The following CAMK2G variants were observed in gnomAD, a reference collection of about 807,000 sequenced individuals.
The protein encoded by CAMK2G is calcium/calmodulin dependent protein kinase II gamma.
CAMK2G carries 23 observed loss-of-function variants against 88.7 expected under a neutral mutation model. The observed-to-expected ratio is 0.26, with a 90% CI of 0.19 to 0.37. The LOEUF is 0.37. Ranked by LOEUF, CAMK2G falls within the 10% of genes least tolerant of loss-of-function variation. The probability of loss-of-function intolerance (pLI) is 1.00; values close to 1 mark genes in which losing one functional copy is unlikely to be tolerated. For synonymous variants in CAMK2G, 263 were observed against 294.8 expected (o/e 0.89, Z 1.11); for missense variants, 476 against 780.8 (o/e 0.61, Z 4.65).
chr10:73,847,357 A>G lies in CAMK2G; in HGVS notation c.697-10T>C. On this transcript the variant is annotated splice_polypyrimidine_tract_variant and intron_variant, in intron 9 of 22. Transcript: ENST00000423381. ...ATTCTGGTGATGGGAACTAAGGAGC[A>G]GGAATAGGGAGAAGAATGTGGTATT... The G allele has an allele frequency of 1.9e-6, 3 of 1,614,072 alleles. No individual in the cohort carries two copies. Among genetic ancestry groups the G allele is most frequent in the East Asian group, 4.5e-5 (2 of 44,884 alleles).
At chr10:73,823,971 C>A in intron 17 of CAMK2G, 69 bp downstream of exon 17, 1 of 1,248,294 alleles carries the variant, frequency 8.0e-7, no homozygotes, top group East Asian at 2.3e-5. Context: ...AGCCTGTAGA[C>A]CCCTGGGACC....
At chr10:73,826,416 G>C (rs2664284) in intron 15 of CAMK2G, among the ~76,000 whole-genome samples, 51,907 of 152,006 alleles carry the variant, frequency 0.34, 9,990 homozygotes, top group East Asian at 0.63. Context: ...CTGGGCAACA[G>C]AGCAAGACTC....
chr10:73,848,369 G>A lies in CAMK2G; in HGVS notation c.601+157C>T, dbSNP rs564396310. ...CATCCCAGAAGTACGCAGGGAGGAG[G>A]GTGTGATGGGAACAGCCATCCCAGG... On this transcript the variant is annotated intron_variant, in intron 8 of 22. Transcript: ENST00000423381. The surrounding 1 kb of genome is among the most constrained non-coding windows in gnomAD (Gnocchi z 4.5). 2.6e-5 allele frequency among the ~76,000 whole-genome samples: 4 copies of A among 152,290 alleles called. No individual in the cohort carries two copies. Among genetic ancestry groups the A allele is most frequent in the African/African-American group, 4.8e-5 (2 of 41,550 alleles).
At position 73,839,176 on chromosome 10, in the gene CAMK2G, G is replaced by T. The variant is rs1056383833; in HGVS notation, c.1009+363C>A. On this transcript the variant is annotated intron_variant, in intron 13 of 22. Transcript: ENST00000423381. This position sits in a 1 kb window ranked among gnomAD's most constrained non-coding sequence, Gnocchi z 4.2. The stretch of plus-strand genomic sequence containing the variant: ...CCTCTGTGGGGTCTTAAACAGTGCT[G>T]CGGAAATCTAGTCCTAGCACCGGGC... Among the ~76,000 whole-genome samples, 6 of 152,208 alleles carry T rather than the reference G, an allele frequency of 3.9e-5. No individual in the cohort carries two copies. The highest frequency in any genetic ancestry group is 1.9e-4 in the East Asian group (1 of 5,196).
At chr10:73,836,407 C>A (rs1388766023) in intron 14 of CAMK2G, among the ~76,000 whole-genome samples, 1 of 152,206 alleles carries the variant, frequency 6.6e-6, no homozygotes, top group Non-Finnish European at 1.5e-5. Flanking sequence ...ATTAAACACT[C>A]TCTCCAACTA....
rs779146288 is a variant in CAMK2G at position 73,848,024 on chromosome 10, G to A, written c.660C>T (p.His220=). Residue 220 remains histidine (H), a synonymous_variant, in exon 9 of 23, where the codon CAC becomes CAT. Transcript: ENST00000423381. This position sits in a 1 kb window ranked among gnomAD's most constrained non-coding sequence, Gnocchi z 4.5. The part of the protein sequence containing the change: ...GYPPFWDEDQ[H]KLYQQIKAGA... ...CAGCCTTGATCTGCTGATACAGCTT[G>A]TGCTGATCCTCATCCCAGAAGGGAG... 2.5e-6 allele frequency: 4 copies of A among 1,612,830 alleles called. No homozygotes were observed. The Admixed American group carries it at 6.7e-5, about 27-fold the overall frequency.
At chr10:73,834,544 TTC>T (rs1034772495) in intron 14 of CAMK2G, among the ~76,000 whole-genome samples, 2 of 152,090 alleles carry the variant, frequency 1.3e-5, no homozygotes, top group African/African-American at 4.8e-5. Context: ...TGCTGCACAT[TTC>T]TCTTTTCCCC....
In CAMK2G at chr10:73,818,594, T is replaced by C. The variant is rs1266787679; in HGVS notation, c.1363+938A>G. 3 of 429,548 alleles carry C rather than the reference T, an allele frequency of 7.0e-6. No homozygotes were observed. The Admixed American group carries it at 7.3e-5, about 10-fold the overall frequency. The allele number at this position is 429,548 out of a possible 1,614,324, so 26.6% of individuals were successfully genotyped here. On this transcript the variant is annotated intron_variant, in intron 19 of 22. Transcript: ENST00000423381. ...GGGCCAGCACAGCCAAGCAGCACAG[T>C]TGGGACAGGGCAGCGCAGCCAAAGG...
chr10:73,856,068 C>A (rs1455049854), intron 3 of CAMK2G, among the ~76,000 whole-genome samples: 1 of 152,124 alleles, frequency 6.6e-6, no homozygotes, highest in Admixed American at 6.5e-5. Context: ...CCACCGCACC[C>A]CATCAGATTC....
chr10:73,817,634 TC>T (rs2086132737), intron 19 of CAMK2G, 80 bp from the exon 20 acceptor site: 3 of 890,942 alleles, frequency 3.4e-6, no homozygotes, highest in Non-Finnish European at 3.8e-6. Context: ...TCCTCAGGAG[TC>T]CCCTGTGATC....
At chr10:73,829,125 G>A (rs2091858182) in intron 14 of CAMK2G, among the ~76,000 whole-genome samples, 1 of 152,138 alleles carries the variant, frequency 6.6e-6, no homozygotes, top group African/African-American at 2.4e-5. Context: ...CAAGCGGCCA[G>A]CATTCTTTAG....
intron 17 of CAMK2G, among the ~76,000 whole-genome samples, chr10:73,823,093 C>T (rs959639379): frequency 6.6e-6 from 1 of 152,204 alleles, no homozygotes; most frequent in Non-Finnish European, 1.5e-5. Context: ...AACTCCTGAC[C>T]TCAAGTGATC....
intron 14 of CAMK2G, 46 bp downstream of exon 14, chr10:73,837,422 T>C (rs1031942830): frequency 6.7e-7 from 1 of 1,492,886 alleles, no homozygotes; most frequent in Admixed American, 1.7e-5. Context: ...CCATAGTGAC[T>C]GCGGGGAGAA....
At position 73,839,583 on chromosome 10, in the gene CAMK2G, G is replaced by T; in HGVS notation, c.965C>A (p.Ala322Asp). 1 of 1,233,760 alleles carries T rather than the reference G, an allele frequency of 8.1e-7. No homozygotes were observed. The highest frequency in any genetic ancestry group is 1.0e-6 in the Non-Finnish European group (1 of 987,460). The allele number at this position is 1,233,760 out of a possible 1,614,324, so 76.4% of individuals were successfully genotyped here. ...RNFSVGRQSSAPASPAASAAG... is the reference protein window; with the variant it reads ...RNFSVGRQSSDPASPAASAAG... ...GGCGCTCGCGGCAGGCGAGGCGGGGGCGGAGCTCTGCCTGCCAACTGAGGG... is the reference window on the plus strand; with the variant it reads ...GGCGCTCGCGGCAGGCGAGGCGGGGTCGGAGCTCTGCCTGCCAACTGAGGG... The change falls in exon 13 of 23, where the codon GCC becomes GAC. Residue 322 changes from alanine to aspartate, a missense_variant. This residue lies in a region of CAMK2G where 278 missense variants were observed against 366.5 expected (regional missense o/e 0.76). Transcript: ENST00000423381. This position sits in a 1 kb window ranked among gnomAD's most constrained non-coding sequence, Gnocchi z 4.2.
rs2094389375 is a variant in CAMK2G, at chr10:73,848,239, T to C, written c.602-157A>G. On this transcript the variant is annotated intron_variant, in intron 8 of 22. Coordinates refer to ENST00000423381, the MANE Select transcript of CAMK2G (RefSeq NM_001367534.1). This position sits in a 1 kb window ranked among gnomAD's most constrained non-coding sequence, Gnocchi z 4.5. ...ATAATGCTATGCTACCAGCCCCTCCTGCTATGCCTCACACTTCACGTCACC... is the reference window on the plus strand; with the variant it reads ...ATAATGCTATGCTACCAGCCCCTCCCGCTATGCCTCACACTTCACGTCACC... 6.6e-6 allele frequency among the ~76,000 whole-genome samples: 1 copy of C among 152,160 alleles called. No individual in the cohort carries two copies. Among genetic ancestry groups the C allele is most frequent in the Admixed American group, 6.5e-5 (1 of 15,276 alleles).
intron 2 of CAMK2G, among the ~76,000 whole-genome samples, chr10:73,868,326 C>T (rs950163975): frequency 2.0e-5 from 3 of 152,240 alleles, no homozygotes; most frequent in Admixed American, 6.5e-5. Flanking sequence ...ACCTCCATCC[C>T]CACACCATGA....
At chr10:73,867,757 A>G (rs1179181527) in intron 2 of CAMK2G, among the ~76,000 whole-genome samples, 1 of 152,086 alleles carries the variant, frequency 6.6e-6, no homozygotes, top group East Asian at 1.9e-4. Context: ...CTAGATGGAG[A>G]GGTGTGAGGT....
chr10:73,824,486 G>C (rs2090252952), intron 16 of CAMK2G, among the ~76,000 whole-genome samples: 7 of 152,220 alleles, frequency 4.6e-5, no homozygotes, highest in African/African-American at 1.7e-4. Flanking sequence ...GAATGTGTGA[G>C]GCAGGAACAT....
intron 3 of CAMK2G, among the ~76,000 whole-genome samples, chr10:73,855,061 T>G (rs187441053): frequency 5.3e-5 from 8 of 152,228 alleles, no homozygotes; most frequent in Non-Finnish European, 1.5e-5. Context: ...GGCCTGCAGA[T>G]GACAGAGGGG....
Sources: gnomAD v4.1 joint callset for allele counts (sites outside exome capture counted in the v4.1 genomes callset) on GRCh38, gnomAD v4.1.1 for gene constraint, gnomAD v4.1.1 regional missense constraint, Gnocchi (gnomAD v3.1) non-coding constraint, MANE v1.5 for transcripts, NCBI Gene and HGNC (gene_info 2026-07-23, HGNC 2026-07-21) for gene names.